Variants in EYS observed in about 807,000 individuals in gnomAD.
The protein encoded by EYS is protein eyes shut homolog.
In EYS, 250 loss-of-function variants were observed where a neutral mutation model predicts 282.1. That is an observed-to-expected ratio of 0.89 (90% confidence interval 0.80 to 0.98). The LOEUF is 0.98. Among genes scored for constraint, EYS ranks in the 50% least tolerant of loss-of-function variants. The probability of loss-of-function intolerance (pLI) is 0.00; values close to 1 mark genes in which losing one functional copy is unlikely to be tolerated. For synonymous variants in EYS, 1,355 were observed against 1,282.9 expected (o/e 1.06, Z -1.20); for missense variants, 4,016 against 3,709.0 (o/e 1.08, Z -2.15).
chr6:64,752,653 G>A (rs975318049), intron 22 of EYS, among the ~76,000 whole-genome samples: 1 of 152,134 alleles, frequency 6.6e-6, no homozygotes, highest in Non-Finnish European at 1.5e-5. Context: ...GAAGCTCAGA[G>A]AACTCCAGGA....
intron 35 of EYS, among the ~76,000 whole-genome samples, chr6:63,882,542 A>G (rs954382747): frequency 2.6e-5 from 4 of 152,206 alleles, no homozygotes; most frequent in African/African-American, 4.8e-5. Context: ...AGGCACTGCT[A>G]GGCACTGTAC....
chr6:65,014,244 C>A (rs1771974358), intron 13 of EYS, among the ~76,000 whole-genome samples: 1 of 152,126 alleles, frequency 6.6e-6, no homozygotes, highest in Admixed American at 6.6e-5. Flanking sequence ...GAAACGTGAG[C>A]CTTAGATTAG....
rs139263235 is a variant in EYS at position 65,694,391 on chromosome 6, A to AT, written c.-448+12743dup. 8.0e-4 allele frequency among the ~76,000 whole-genome samples: 116 copies of AT among 145,438 alleles called. 4 individuals carry two copies. The highest frequency in any genetic ancestry group is 7.1e-3 in the Middle Eastern group (2 of 280). Reference sequence around the variant, plus strand: ...ATCATATTGCCATTTGATTCTTCATATTTTTTTTTTGTCTCTTGAAGTTGT... The same window carrying AT: ...ATCATATTGCCATTTGATTCTTCATATTTTTTTTTTTGTCTCTTGAAGTTGT... On this transcript the variant is annotated intron_variant, in intron 1 of 42. Coordinates refer to ENST00000503581, the MANE Select transcript of EYS (RefSeq NM_001142800.2).
chr6:63,881,199 A>C (rs16894636), intron 35 of EYS, among the ~76,000 whole-genome samples: 1,865 of 152,278 alleles, frequency 0.012, 20 homozygotes, highest in Middle Eastern at 0.02. Context: ...CTTCTTTTCC[A>C]GCAGTTTGTT....
intron 26 of EYS, among the ~76,000 whole-genome samples, chr6:64,580,590 G>A (rs1205505521): frequency 6.6e-6 from 1 of 152,124 alleles, no homozygotes; most frequent in Non-Finnish European, 1.5e-5. Context: ...TGCAATCAAG[G>A]TTGAATATAC....
chr6:63,932,135 C>T (rs1287854496), intron 35 of EYS, among the ~76,000 whole-genome samples: 1 of 152,208 alleles, frequency 6.6e-6, no homozygotes, highest in Non-Finnish European at 1.5e-5. Context: ...CCTCCAGGCC[C>T]ATCCATATTG....
intron 22 of EYS, among the ~76,000 whole-genome samples, chr6:64,709,350 A>G (rs1161543669): frequency 1.3e-5 from 2 of 152,158 alleles, no homozygotes; most frequent in Non-Finnish European, 2.9e-5. Flanking sequence ...CCTAAGCTTA[A>G]AAATAACATT....
chr6:65,326,516 T>C (rs1012169276), intron 11 of EYS, among the ~76,000 whole-genome samples: 2 of 151,492 alleles, frequency 1.3e-5, no homozygotes, highest in Non-Finnish European at 3.0e-5. Context: ...TAATACCTTG[T>C]TTTAATATCT....
At chr6:65,615,657 A>G (rs1766164793) in intron 2 of EYS, among the ~76,000 whole-genome samples, 1 of 152,100 alleles carries the variant, frequency 6.6e-6, no homozygotes, top group Non-Finnish European at 1.5e-5. Context: ...GTTCTCAGCC[A>G]GGTGCGGTGG....
intron 13 of EYS, among the ~76,000 whole-genome samples, chr6:65,052,676 C>G (rs895778437): frequency 3.3e-5 from 5 of 151,520 alleles, no homozygotes; most frequent in African/African-American, 9.7e-5. Flanking sequence ...AAAGTGAAAA[C>G]TCATTTTTAC....
At chr6:64,089,148 A>G (rs1021741961) in intron 31 of EYS, among the ~76,000 whole-genome samples, 4 of 151,932 alleles carry the variant, frequency 2.6e-5, no homozygotes, top group Non-Finnish European at 5.9e-5. Context: ...AGGTGACTGA[A>G]ATGATGCAAT....
At chr6:64,540,919 A>G (rs1764679572) in intron 26 of EYS, among the ~76,000 whole-genome samples, 1 of 152,208 alleles carries the variant, frequency 6.6e-6, no homozygotes, top group African/African-American at 2.4e-5. Context: ...AAAGCAGAGA[A>G]TCAAGAGATG....
rs934471962 is a variant in EYS at position 64,146,295 on chromosome 6, A to G, written c.6425-64293T>C. On this transcript the variant is annotated intron_variant, in intron 31 of 42. Coordinates refer to ENST00000503581, the MANE Select transcript of EYS (RefSeq NM_001142800.2). ...ATGAGGAATTACAAATAGAAAAGTC[A>G]TGTCAAAACATGAATGTGTCACCAG... Among the ~76,000 whole-genome samples, 6 of 152,340 alleles carry G rather than the reference A, an allele frequency of 3.9e-5. No homozygotes were observed. In the East Asian group the frequency reaches 1.2e-3, roughly 29 times the overall value.
intron 26 of EYS, among the ~76,000 whole-genome samples, chr6:64,473,576 TTA>T (rs1344435394): frequency 2.0e-5 from 3 of 152,184 alleles, no homozygotes; most frequent in Non-Finnish European, 4.4e-5. Context: ...ATAAATACAA[TTA>T]TGTCAGTTAA....
Position 65,275,365 on chromosome 6 carries a change from G to A in EYS, c.2023+20498C>T, listed in dbSNP as rs75679377. Among the ~76,000 whole-genome samples the A allele has an allele frequency of 2.0e-3, 311 of 152,234 alleles. 1 individual carries two copies. The East Asian group carries it at 0.035, about 17-fold the overall frequency. Reference sequence around the variant, plus strand: ...GAATTAGATGTTATTAACCCACCAAGTCACAACATTGTACCTTACATAGCA... The same window carrying A: ...GAATTAGATGTTATTAACCCACCAAATCACAACATTGTACCTTACATAGCA... On this transcript the variant is annotated intron_variant, in intron 12 of 42. Transcript: ENST00000503581.
chr6:64,632,896 T>A (rs1193522231), intron 22 of EYS, among the ~76,000 whole-genome samples: 5 of 152,168 alleles, frequency 3.3e-5, no homozygotes, highest in Non-Finnish European at 7.4e-5. Context: ...TACAGGTATT[T>A]TAAACTCATT....
In EYS at chr6:64,813,489, C is replaced by T. The variant is rs1216212349; in HGVS notation, c.3332G>A (p.Gly1111Asp). 8 of 1,550,566 alleles carry T rather than the reference C, an allele frequency of 5.2e-6. No homozygotes were observed. The highest frequency in any genetic ancestry group is 6.1e-6 in the Non-Finnish European group (7 of 1,146,260). Residue 1111 changes from glycine (G) to aspartate (D), a missense_variant, in exon 22 of 43, where the codon GGT (glycine) becomes GAT (aspartate). Gly to Asp is a moderately conservative substitution (Grantham distance 94). Coordinates refer to ENST00000503581, the MANE Select transcript of EYS (RefSeq NM_001142800.2). ...ATCAATGCTTTTTTCACAGTATGCA[C>T]CAGTGTATCCACGTGGGCAAATGCA... ...FTCICPRGYTGAYCEKSIDNC... is the reference protein window; with the variant it reads ...FTCICPRGYTDAYCEKSIDNC...
chr6:64,768,430 A>AAATTT (rs1282799526), intron 22 of EYS, among the ~76,000 whole-genome samples: 3 of 152,170 alleles, frequency 2.0e-5, no homozygotes, highest in African/African-American at 7.2e-5. Context: ...ATTTTATGAG[A>AAATTT]AATTTAAAAT....
intron 29 of EYS, among the ~76,000 whole-genome samples, chr6:64,327,017 A>G (rs1770449766): frequency 6.6e-6 from 1 of 152,142 alleles, no homozygotes; most frequent in Non-Finnish European, 1.5e-5. Flanking sequence ...GATGGGGCCC[A>G]CGAGTCAGAA....
Sources: allele counts gnomAD v4.1 joint callset (sites outside exome capture counted in the v4.1 genomes callset), GRCh38; gene constraint gnomAD v4.1.1; transcripts MANE v1.5; gene names NCBI Gene and HGNC (gene_info 2026-07-23, HGNC 2026-07-21).